The following PRKN variants were observed in gnomAD, a reference collection of about 807,000 sequenced individuals.
PRKN encodes E3 ubiquitin-protein ligase parkin.
In PRKN, 56 loss-of-function variants were observed where a neutral mutation model predicts 59.5. The ratio of observed to expected loss-of-function variants is 0.94; its 90% CI spans 0.76 to 1.18. PRKN has a LOEUF of 1.18. Among genes scored for constraint, PRKN ranks in the 50% most tolerant of loss-of-function variants. PRKN has a pLI of 0.00. For missense variants in PRKN, 657 were observed against 596.4 expected, an observed-to-expected ratio of 1.10 and a Z score of -1.06; for synonymous variants, 250 against 222.1, an observed-to-expected ratio of 1.13 and a Z score of -1.12.
At chr6:162,507,368 T>C (rs888346269) in intron 1 of PRKN, among the ~76,000 whole-genome samples, 26 of 151,976 alleles carry the variant, frequency 1.7e-4, no homozygotes, top group African/African-American at 6.3e-4. Context: ...AGATGGACCC[T>C]GGGAAGCAGA....
rs1207580227 is a variant in PRKN at position 161,376,375 on chromosome 6, C to A, written c.1167+10419G>T. Reference sequence around the variant, plus strand: ...CACAATGAATGTGTGTCTCCCCGAACAACCTGCTTTTGTTTCTGTCTCCTC... The same window carrying A: ...CACAATGAATGTGTGTCTCCCCGAAAAACCTGCTTTTGTTTCTGTCTCCTC... On this transcript the variant is annotated intron_variant, in intron 10 of 11. Transcript: ENST00000366898. This position sits in a 1 kb window ranked among gnomAD's most constrained non-coding sequence, Gnocchi z 7.3. 6.6e-6 allele frequency among the ~76,000 whole-genome samples: 1 copy of A among 152,220 alleles called. No homozygotes were observed. The highest frequency in any genetic ancestry group is 1.5e-5 in the Non-Finnish European group (1 of 68,034).
At chr6:161,512,427 A>G (rs942507820) in intron 9 of PRKN, among the ~76,000 whole-genome samples, 1 of 152,224 alleles carries the variant, frequency 6.6e-6, no homozygotes, top group African/African-American at 2.4e-5. Flanking sequence ...TTGCTATTGT[A>G]AGTAAATTCA....
intron 1 of PRKN, among the ~76,000 whole-genome samples, chr6:162,611,256 AT>A (rs1201541696): frequency 1.3e-5 from 2 of 152,190 alleles, no homozygotes; most frequent in African/African-American, 4.8e-5. Context: ...ATGTATATCA[AT>A]GAATGGATAA....
chr6:161,686,438 C>T (rs974232151), intron 7 of PRKN, among the ~76,000 whole-genome samples: 1 of 152,214 alleles, frequency 6.6e-6, no homozygotes, highest in African/African-American at 2.4e-5. Context: ...AAATTACATA[C>T]ACACTATAAT....
At chr6:162,273,072 C>T (rs1780466914) in intron 2 of PRKN, among the ~76,000 whole-genome samples, 2 of 136,614 alleles carry the variant, frequency 1.5e-5, no homozygotes, top group East Asian at 2.1e-4. Flanking sequence ...AAGACAAGTA[C>T]AATCTGTGAA....
At chr6:162,355,102 T>C (rs1227410207) in intron 2 of PRKN, among the ~76,000 whole-genome samples, 1 of 151,864 alleles carries the variant, frequency 6.6e-6, no homozygotes, top group African/African-American at 2.4e-5. Context: ...AATTTCTCTT[T>C]AAAAATATTT....
intron 7 of PRKN, among the ~76,000 whole-genome samples, chr6:161,597,911 A>G (rs1781973899): frequency 6.6e-6 from 1 of 152,194 alleles, no homozygotes. Context: ...AGGGTAGTTC[A>G]TGTACCTACT....
chr6:162,716,288 G>A (rs936622627), intron 1 of PRKN, among the ~76,000 whole-genome samples: 1 of 152,130 alleles, frequency 6.6e-6, no homozygotes, highest in Admixed American at 6.5e-5. Flanking sequence ...ACTGCCTCAA[G>A]AAACCAAATT....
intron 6 of PRKN, among the ~76,000 whole-genome samples, chr6:161,874,836 A>G (rs1158559063): frequency 1.9e-5 from 2 of 103,904 alleles, no homozygotes; most frequent in Non-Finnish European, 3.4e-5. Context: ...TAAAATGTAT[A>G]ATATATAAAA....
intron 5 of PRKN, among the ~76,000 whole-genome samples, chr6:161,975,385 T>C (rs905210302): frequency 2.0e-5 from 3 of 152,318 alleles, no homozygotes; most frequent in African/African-American, 7.2e-5. Flanking sequence ...ATGCCCAGCC[T>C]GACATATACT....
At chr6:162,596,696 A>G (rs1308848921) in intron 1 of PRKN, among the ~76,000 whole-genome samples, 5 of 152,190 alleles carry the variant, frequency 3.3e-5, no homozygotes, top group African/African-American at 9.6e-5. Flanking sequence ...TAGAATAGCT[A>G]CCCAAATCTA....
rs370910114 is a variant in PRKN at position 161,916,357 on chromosome 6, A to G, written c.734+56945T>C. Among the ~76,000 whole-genome samples the G allele has an allele frequency of 6.6e-5, 10 of 152,378 alleles. No homozygotes were observed. The South Asian group carries it at 1.2e-3, about 19-fold the overall frequency. On this transcript the variant is annotated intron_variant, in intron 6 of 11. Transcript: ENST00000366898. ...AAAAAATTTTTCTAATTACAGTATC[A>G]TTCCATAAGTATACAATGTGTATTA...
chr6:161,752,374 C>A (rs896389980), intron 7 of PRKN, among the ~76,000 whole-genome samples: 1 of 106,886 alleles, frequency 9.4e-6, no homozygotes, highest in Admixed American at 1.2e-4. Context: ...CTCAAACAAA[C>A]AAAAAAACAA....
intron 9 of PRKN, among the ~76,000 whole-genome samples, chr6:161,418,100 T>A (rs181963056): frequency 2.2e-4 from 33 of 152,380 alleles, no homozygotes; most frequent in African/African-American, 7.5e-4. Context: ...AAACTTCTGA[T>A]AAGGCCATCT....
chr6:162,079,391 C>T (rs1438525078), intron 4 of PRKN, among the ~76,000 whole-genome samples: 2 of 152,084 alleles, frequency 1.3e-5, no homozygotes, highest in East Asian at 1.9e-4. Context: ...ATTTGTAAAT[C>T]GGTGTCCTCT....
At chr6:161,732,704 T>C (rs2128188805) in intron 7 of PRKN, among the ~76,000 whole-genome samples, 1 of 152,342 alleles carries the variant, frequency 6.6e-6, no homozygotes, top group Admixed American at 6.5e-5. Flanking sequence ...CCTCCATCCA[T>C]GCTGCTGCAA....
At chr6:162,617,463 C>A (rs1163745830) in intron 1 of PRKN, among the ~76,000 whole-genome samples, 1 of 152,170 alleles carries the variant, frequency 6.6e-6, no homozygotes, top group Admixed American at 6.5e-5. Flanking sequence ...AACTCCCGAC[C>A]TCAAGTGATC....
chr6:162,060,875 C>T (rs1004476176), intron 4 of PRKN, among the ~76,000 whole-genome samples: 3 of 152,130 alleles, frequency 2.0e-5, no homozygotes, highest in Non-Finnish European at 2.9e-5. Flanking sequence ...ATCTTGTCAT[C>T]GAATATGAAG....
chr6:162,697,189 G>C (rs1778001345), intron 1 of PRKN, among the ~76,000 whole-genome samples: 2 of 152,218 alleles, frequency 1.3e-5, no homozygotes, highest in Non-Finnish European at 2.9e-5. Context: ...TGGTATAACA[G>C]AGTTCATTAA....
Sources: gnomAD v4.1 joint callset for allele counts (sites outside exome capture counted in the v4.1 genomes callset) on GRCh38, gnomAD v4.1.1 for gene constraint, Gnocchi (gnomAD v3.1) non-coding constraint, MANE v1.5 for transcripts, NCBI Gene and HGNC (gene_info 2026-07-23, HGNC 2026-07-21) for gene names.